SLC18A1: variants seen among roughly 807,000 people sequenced by gnomAD.
The protein encoded by SLC18A1 is solute carrier family 18 member A1.
Under a neutral mutation model 53.7 loss-of-function variants are expected in SLC18A1, and 69 were observed. That is an observed-to-expected ratio of 1.28 (90% CI 1.06 to 1.57). The LOEUF (loss-of-function observed/expected upper bound fraction) is 1.57. Among genes scored for constraint, SLC18A1 ranks in the 40% most tolerant of loss-of-function variants. The pLI is 0.00. For synonymous variants in SLC18A1, 320 were observed against 248.1 expected (o/e 1.29, Z -2.72); for missense variants, 932 against 668.1 (o/e 1.40, Z -4.35).
At chr8:20,157,919 T>C (rs1470434170) in intron 10 of SLC18A1, among the ~76,000 whole-genome samples, 1 of 152,184 alleles carries the variant, frequency 6.6e-6, no homozygotes, top group Non-Finnish European at 1.5e-5. Flanking sequence ...TTGCTTCTAG[T>C]GCAGTCTACA....
At position 20,180,927 on chromosome 8, in the gene SLC18A1, A is replaced by G; in HGVS notation, c.38T>C (p.Leu13Pro). ...RTILDAPQRL[L>P]KEGRASRQLV... is the part of the protein sequence containing the mutation. ...CTGCCGGGACGCTCTCCCCTCCTTC[A>G]GCAACCGCTGGGGAGCATCCAGAAT... Residue 13 changes from leucine to proline, a missense_variant, in exon 2 of 16, where the codon CTG becomes CCG. Transcript: ENST00000276373. The G allele has an allele frequency of 6.2e-7, 1 of 1,604,694 alleles. No homozygotes were observed. Among genetic ancestry groups the G allele is most frequent in the Non-Finnish European group, 8.5e-7 (1 of 1,175,558 alleles).
chr8:20,169,695 A>G (rs563546409), intron 8 of SLC18A1, among the ~76,000 whole-genome samples: 1 of 152,276 alleles, frequency 6.6e-6, no homozygotes, highest in Admixed American at 6.5e-5. Context: ...CCTGGCCAAC[A>G]TGGTGAAATC....
At chr8:20,157,029 C>T (rs2071699622) in intron 10 of SLC18A1, among the ~76,000 whole-genome samples, 1 of 152,110 alleles carries the variant, frequency 6.6e-6, no homozygotes, top group Non-Finnish European at 1.5e-5. Flanking sequence ...GGCGGGAAAA[C>T]AGGTGCAGGA....
At chr8:20,170,953 G>A (rs11989477) in intron 8 of SLC18A1, 150 bp downstream of exon 8, 234,567 of 721,940 alleles carry the variant, frequency 0.32, 41,349 homozygotes, top group Middle Eastern at 0.39. Flanking sequence ...TACCTGAAAC[G>A]TAACCCTATC....
chr8:20,163,036 G>T (rs908426956), intron 10 of SLC18A1, among the ~76,000 whole-genome samples: 1 of 152,174 alleles, frequency 6.6e-6, no homozygotes, highest in African/African-American at 2.4e-5. Context: ...CAGAGTGCAT[G>T]ATTTATCAAT....
At chr8:20,172,850 C>T (rs1463701938) in intron 6 of SLC18A1, among the ~76,000 whole-genome samples, 186 bp downstream of exon 6, 2 of 152,164 alleles carry the variant, frequency 1.3e-5, no homozygotes, top group Non-Finnish European at 2.9e-5. Context: ...CTTTCTCCGA[C>T]GTTTATGTGT....
At chr8:20,166,597 C>T (rs1345562606) in intron 8 of SLC18A1, among the ~76,000 whole-genome samples, 1 of 151,504 alleles carries the variant, frequency 6.6e-6, no homozygotes, top group Admixed American at 6.6e-5. Context: ...GTTAGAAAGA[C>T]TGGAGGGATT....
chr8:20,153,535 G>C (rs1191837592), intron 10 of SLC18A1, among the ~76,000 whole-genome samples: 1 of 152,114 alleles, frequency 6.6e-6, no homozygotes, highest in African/African-American at 2.4e-5. Context: ...AAAATTAGCT[G>C]GGCATGGTGG....
intron 3 of SLC18A1, among the ~76,000 whole-genome samples, chr8:20,178,915 C>G (rs1365787055): frequency 1.3e-5 from 2 of 152,216 alleles, no homozygotes; most frequent in African/African-American, 2.4e-5. Flanking sequence ...GTACTCAATA[C>G]TCAATATATC....
chr8:20,148,657 C>A, intron 12 of SLC18A1: 2 of 412,146 alleles, frequency 4.9e-6, no homozygotes, highest in South Asian at 3.6e-5. Flanking sequence ...CCAACAAAAA[C>A]CCCTTCTTCC....
intron 8 of SLC18A1, 135 bp from the exon 9 acceptor site, chr8:20,165,242 C>A: frequency 6.6e-6 from 5 of 755,938 alleles, no homozygotes; most frequent in Non-Finnish European, 8.8e-6. Context: ...GACCAGGAAC[C>A]CCAGTACAGG....
chr8:20,170,292 G>A (rs1336821820), intron 8 of SLC18A1, among the ~76,000 whole-genome samples: 4 of 152,162 alleles, frequency 2.6e-5, no homozygotes, highest in Non-Finnish European at 4.4e-5. Flanking sequence ...GTTCACCCTC[G>A]ATTTCATTAT....
At chr8:20,153,671 A>C (rs1292013385) in intron 10 of SLC18A1, among the ~76,000 whole-genome samples, 1 of 151,748 alleles carries the variant, frequency 6.6e-6, no homozygotes, top group African/African-American at 2.4e-5. Flanking sequence ...TGTCTCAAAA[A>C]AAAAAAGAAA....
At chr8:20,177,119 T>C (rs1475428507) in intron 4 of SLC18A1, among the ~76,000 whole-genome samples, 1 of 152,220 alleles carries the variant, frequency 6.6e-6, no homozygotes, top group African/African-American at 2.4e-5. Context: ...TATTTTTAAA[T>C]TTGCTGTCTA....
chr8:20,167,614 T>C (rs996967089), intron 8 of SLC18A1, among the ~76,000 whole-genome samples: 2 of 150,370 alleles, frequency 1.3e-5, no homozygotes, highest in Admixed American at 6.6e-5. Flanking sequence ...TAGTTTTTTG[T>C]TTTTTTTGTT....
At chr8:20,149,863 A>C in intron 11 of SLC18A1, 136 bp from the exon 12 acceptor site, 2 of 731,198 alleles carry the variant, frequency 2.7e-6, no homozygotes, top group South Asian at 1.7e-5. Context: ...GCATCCCTAC[A>C]TGACCAGTTT....
rs190934174 is a variant in SLC18A1 at position 20,172,959 on chromosome 8, G to A, written c.724+77C>T. 65 of 1,025,896 alleles carry A rather than the reference G, an allele frequency of 6.3e-5. No homozygotes were observed. The East Asian group carries it at 1.0e-3, about 16-fold the overall frequency. 63.5% of individuals were successfully genotyped at this position (1,025,896 alleles called of 1,614,324 possible). On this transcript the variant is annotated intron_variant, in intron 6 of 15. Coordinates refer to ENST00000276373, the MANE Select transcript of SLC18A1 (RefSeq NM_003053.4). ...GGCCAACAAGGGAAGGAAAATACTCGTCTTCTACACCTCGGGAACACCTGC... is the reference window on the plus strand; with the variant it reads ...GGCCAACAAGGGAAGGAAAATACTCATCTTCTACACCTCGGGAACACCTGC...
intron 8 of SLC18A1, among the ~76,000 whole-genome samples, chr8:20,166,441 G>T (rs540510328): frequency 6.0e-5 from 9 of 150,916 alleles, no homozygotes; most frequent in African/African-American, 2.2e-4. Flanking sequence ...TACATAGTGT[G>T]CTGCCTTTCA....
chr8:20,158,970 T>C (rs2071748454), intron 10 of SLC18A1, among the ~76,000 whole-genome samples: 1 of 152,126 alleles, frequency 6.6e-6, no homozygotes, highest in Non-Finnish European at 1.5e-5. Context: ...TCCTACTAAC[T>C]GTTGGATGTA....
Sources: gnomAD v4.1 joint callset for allele counts (sites outside exome capture counted in the v4.1 genomes callset) on GRCh38, gnomAD v4.1.1 for gene constraint, MANE v1.5 for transcripts, NCBI Gene and HGNC (gene_info 2026-07-23, HGNC 2026-07-21) for gene names.